Variants in CAP2 observed in about 807,000 individuals in gnomAD.
CAP2 encodes the protein adenylyl cyclase-associated protein 2.
In CAP2, 24 loss-of-function variants were observed where a neutral mutation model predicts 57.7. The observed-to-expected ratio is 0.42, with a 90% CI of 0.30 to 0.58. The LOEUF (loss-of-function observed/expected upper bound fraction) is 0.58. CAP2 is among the 20% of genes least tolerant of loss of function. The pLI, the probability that CAP2 is intolerant of heterozygous loss-of-function variation, is 0.22. For synonymous variants in CAP2, 194 were observed against 207.2 expected (o/e 0.94, Z 0.55); for missense variants, 501 against 590.3 (o/e 0.85, Z 1.57).
chr6:17,474,107 TC>T (rs1302928018), intron 4 of CAP2, among the ~76,000 whole-genome samples: 2 of 147,344 alleles, frequency 1.4e-5, no homozygotes, highest in African/African-American at 5.0e-5. Flanking sequence ...TTTTAGCCCC[TC>T]CCCTGATTAG....
chr6:17,485,833 G>A (rs1269241587), intron 4 of CAP2, among the ~76,000 whole-genome samples: 1 of 152,180 alleles, frequency 6.6e-6, no homozygotes, highest in African/African-American at 2.4e-5. Flanking sequence ...CTCCATGGCA[G>A]GCTCTGCCAA....
intron 4 of CAP2, among the ~76,000 whole-genome samples, chr6:17,491,769 A>G (rs1385119249): frequency 6.6e-6 from 1 of 152,248 alleles, no homozygotes; most frequent in Non-Finnish European, 1.5e-5. Context: ...CTCATAAAAC[A>G]GGGATAATAA....
chr6:17,490,885 C>T (rs1761527229), intron 4 of CAP2, among the ~76,000 whole-genome samples: 4 of 152,178 alleles, frequency 2.6e-5, no homozygotes. Context: ...GTGAAGCTGC[C>T]CTTGTGCCCT....
intron 1 of CAP2, among the ~76,000 whole-genome samples, chr6:17,418,004 T>C (rs1401970596): frequency 6.6e-6 from 1 of 152,154 alleles, no homozygotes; most frequent in Non-Finnish European, 1.5e-5. Context: ...GCCACCTCCT[T>C]GTCAAAACTT....
intron 7 of CAP2, among the ~76,000 whole-genome samples, chr6:17,532,740 T>C (rs1762675715): frequency 2.4e-5 from 3 of 124,174 alleles, no homozygotes; most frequent in Admixed American, 8.1e-5. Context: ...TGAGCGATAC[T>C]AAAAAAAAAA....
chr6:17,403,068 T>C (rs1365762107), intron 1 of CAP2, among the ~76,000 whole-genome samples: 5 of 152,172 alleles, frequency 3.3e-5, no homozygotes, highest in Non-Finnish European at 7.3e-5. Flanking sequence ...AAATTGATGC[T>C]CAACATTGAC....
chr6:17,542,795 A>G (rs1170374637), intron 9 of CAP2, 42 bp from the exon 10 acceptor site: 7 of 1,523,660 alleles, frequency 4.6e-6, no homozygotes, highest in Non-Finnish European at 6.3e-6. Context: ...GTTTCTGTTT[A>G]TATATGCTGA....
chr6:17,443,603 G>A (rs1046070374), intron 3 of CAP2, among the ~76,000 whole-genome samples: 1 of 150,022 alleles, frequency 6.7e-6, no homozygotes, highest in African/African-American at 2.5e-5. Context: ...ACGTGCGCAC[G>A]TGCACTCCCT....
At chr6:17,472,054 G>GTTGGCTGTCTTCACTA (rs1179058589) in intron 4 of CAP2, among the ~76,000 whole-genome samples, 1 of 99,358 alleles carries the variant, frequency 1.0e-5, no homozygotes, top group African/African-American at 5.1e-5. Flanking sequence ...TGCTGAATGG[G>GTTGGCTGTCTTCACTA]CCGGGCGCGG....
intron 11 of CAP2, among the ~76,000 whole-genome samples, chr6:17,547,642 C>G (rs569682745): frequency 2.6e-5 from 4 of 151,724 alleles, no homozygotes; most frequent in Non-Finnish European, 5.9e-5. Flanking sequence ...GAGATTGAGA[C>G]CATCCTGGCT....
intron 4 of CAP2, among the ~76,000 whole-genome samples, chr6:17,476,994 C>T (rs1263947700): frequency 6.6e-6 from 1 of 151,588 alleles, no homozygotes; most frequent in Non-Finnish European, 1.5e-5. Context: ...GCCTCAGCCT[C>T]CCGAGTAGCT....
intron 1 of CAP2, among the ~76,000 whole-genome samples, chr6:17,410,792 C>T (rs1319894521): frequency 1.3e-5 from 2 of 152,102 alleles, no homozygotes; most frequent in East Asian, 1.9e-4. Context: ...ATCTCCTGAC[C>T]TCGTGATCTG....
chr6:17,438,177 C>T (rs1759953749), intron 3 of CAP2, among the ~76,000 whole-genome samples: 1 of 148,502 alleles, frequency 6.7e-6, no homozygotes, highest in African/African-American at 2.6e-5. Context: ...ACCAGCTTGG[C>T]CAACATGGTG....
chr6:17,506,005 G>A (rs1761972762), intron 4 of CAP2, among the ~76,000 whole-genome samples: 1 of 152,094 alleles, frequency 6.6e-6, no homozygotes, highest in African/African-American at 2.4e-5. Flanking sequence ...AACTCTCCCA[G>A]GATTGGAGTC....
chr6:17,441,012 A>G lies in CAP2; in HGVS notation c.222+14322A>G, dbSNP rs552757923. Among the ~76,000 whole-genome samples the G allele has an allele frequency of 2.9e-4, 44 of 151,500 alleles. 1 individual carries two copies. Among genetic ancestry groups the G allele is most frequent in the Non-Finnish European group, 5.9e-4 (40 of 68,014 alleles). On this transcript the variant is annotated intron_variant, in intron 3 of 12. Coordinates refer to ENST00000229922, the MANE Select transcript of CAP2 (RefSeq NM_006366.3). ...AAAGGACATGAACTCATCCTTTTTTATGGCTGCATAGTATTCCATGGTGTC... is the reference window on the plus strand; with the variant it reads ...AAAGGACATGAACTCATCCTTTTTTGTGGCTGCATAGTATTCCATGGTGTC...
chr6:17,465,594 TCAC>T (rs757549497), intron 4 of CAP2, among the ~76,000 whole-genome samples: 4 of 152,128 alleles, frequency 2.6e-5, no homozygotes, highest in Non-Finnish European at 5.9e-5. Flanking sequence ...ACCTGAGTGA[TCAC>T]CACGTGTTGT....
At chr6:17,497,835 C>T (rs1761706917) in intron 4 of CAP2, among the ~76,000 whole-genome samples, 1 of 152,174 alleles carries the variant, frequency 6.6e-6, no homozygotes, top group African/African-American at 2.4e-5. Context: ...GTAATGAAAA[C>T]TATAAATCTC....
At chr6:17,546,491 G>A (rs1763050438) in intron 11 of CAP2, among the ~76,000 whole-genome samples, 1 of 152,144 alleles carries the variant, frequency 6.6e-6, no homozygotes, top group South Asian at 2.1e-4. Context: ...CCGTTCTGTA[G>A]GTTGCCTGTT....
chr6:17,433,623 C>G (rs1759799028), intron 3 of CAP2, among the ~76,000 whole-genome samples: 5 of 152,236 alleles, frequency 3.3e-5, no homozygotes, highest in Admixed American at 3.3e-4. Flanking sequence ...ATTTCTGCGC[C>G]TTTGCACTGG....
Sources: gnomAD v4.1 joint callset for allele counts (sites outside exome capture counted in the v4.1 genomes callset) on GRCh38, gnomAD v4.1.1 for gene constraint, MANE v1.5 for transcripts, NCBI Gene and HGNC (gene_info 2026-07-23, HGNC 2026-07-21) for gene names.